HOMER2: variants seen among roughly 807,000 people sequenced by gnomAD.
The protein encoded by HOMER2 is homer scaffold protein 2, also known as homer protein homolog 2.
In HOMER2, 27 loss-of-function variants were observed where a neutral mutation model predicts 47.0. That is an observed-to-expected ratio of 0.57 (90% confidence interval 0.42 to 0.79). The LOEUF (loss-of-function observed/expected upper bound fraction) is 0.79, where lower values mean the gene tolerates loss of function less well. Among genes scored for constraint, HOMER2 ranks in the 30% least tolerant of loss-of-function variants. The pLI is 0.00. For synonymous variants in HOMER2, 161 were observed against 163.8 expected (o/e 0.98, Z 0.13); for missense variants, 443 against 435.0 (o/e 1.02, Z -0.16).
chr15:82,876,883 G>GGCTTAAC (rs2052366043), intron 2 of HOMER2, among the ~76,000 whole-genome samples: 1 of 152,230 alleles, frequency 6.6e-6, no homozygotes, highest in Non-Finnish European at 1.5e-5. Context: ...GATCTAGACA[G>GGCTTAAC]TAAGTGACAG....
At chr15:82,919,677 A>G (rs1206013820) in intron 1 of HOMER2, among the ~76,000 whole-genome samples, 1 of 152,242 alleles carries the variant, frequency 6.6e-6, no homozygotes, top group Admixed American at 6.5e-5. Flanking sequence ...CCTTTTAAAA[A>G]AGAACATTCT....
chr15:82,892,963 T>C, intron 1 of HOMER2, 122 bp from the exon 2 acceptor site: 1 of 689,990 alleles, frequency 1.4e-6, no homozygotes, highest in Non-Finnish European at 2.1e-6. Flanking sequence ...TACATATGCA[T>C]GAAGACAATT....
chr15:82,930,677 A>T (rs2053983409), intron 1 of HOMER2, among the ~76,000 whole-genome samples: 1 of 152,248 alleles, frequency 6.6e-6, no homozygotes, highest in Non-Finnish European at 1.5e-5. Flanking sequence ...AGGCCAGCTA[A>T]GAATTCACTG....
intron 1 of HOMER2, among the ~76,000 whole-genome samples, chr15:82,976,578 C>T (rs2030209450): frequency 6.6e-6 from 1 of 151,504 alleles, no homozygotes; most frequent in Admixed American, 6.6e-5. Flanking sequence ...GGATTACAGG[C>T]ATGAGGCCAC....
exon 2 of HOMER2, chr15:82,958,393 T>C (rs888135001): frequency 6.6e-6 from 1 of 152,256 alleles, no homozygotes; most frequent in Non-Finnish European, 1.5e-5. Flanking sequence ...AGAATGTCCA[T>C]GTGCTTGGCT....
chr15:82,857,724 C>A (rs897129955), intron 5 of HOMER2, among the ~76,000 whole-genome samples: 1 of 152,104 alleles, frequency 6.6e-6, no homozygotes, highest in Non-Finnish European at 1.5e-5. Flanking sequence ...TGCCACCACG[C>A]CCAGCCAATA....
At chr15:82,890,831 T>C (rs1044250737) in intron 2 of HOMER2, among the ~76,000 whole-genome samples, 2 of 152,190 alleles carry the variant, frequency 1.3e-5, no homozygotes, top group Non-Finnish European at 2.9e-5. Context: ...GTCAGCTTGA[T>C]TCACCACTGC....
chr15:82,890,987 G>A (rs764194609), intron 2 of HOMER2, among the ~76,000 whole-genome samples: 6 of 152,016 alleles, frequency 3.9e-5, no homozygotes, highest in African/African-American at 7.3e-5. Flanking sequence ...CAAACACGAG[G>A]TGCCTACCTA....
chr15:82,923,423 G>A (rs1248345272), intron 1 of HOMER2, among the ~76,000 whole-genome samples: 1 of 150,848 alleles, frequency 6.6e-6, no homozygotes, highest in South Asian at 2.1e-4. Context: ...GGAGGTGGAG[G>A]TTGCAGTGAG....
chr15:82,978,999 G>A (rs747544375), intron 1 of HOMER2, among the ~76,000 whole-genome samples: 4 of 152,158 alleles, frequency 2.6e-5, no homozygotes, highest in East Asian at 1.9e-4. Context: ...GATTACAGGC[G>A]TAAGCCACTG....
At chr15:82,943,923 T>G (rs1026888362) in intron 1 of HOMER2, among the ~76,000 whole-genome samples, 1 of 152,204 alleles carries the variant, frequency 6.6e-6, no homozygotes, top group African/African-American at 2.4e-5. Flanking sequence ...GCTCTCACCC[T>G]GACTCCTCTG....
intron 1 of HOMER2, among the ~76,000 whole-genome samples, chr15:82,928,957 A>AAAAAAAAAAAAAAAAAAAAAAAAAC (rs2053933088): frequency 6.7e-6 from 1 of 148,378 alleles, no homozygotes; most frequent in East Asian, 2.0e-4. Flanking sequence ...AAAAAAAAAA[A>AAAAAAAAAAAAAAAAAAAAAAAAAC]AAAGCTGTCA....
chr15:82,870,877 A>G (rs945872911), intron 3 of HOMER2, among the ~76,000 whole-genome samples: 18 of 152,238 alleles, frequency 1.2e-4, no homozygotes, highest in African/African-American at 4.3e-4. Flanking sequence ...GTCGCTCCCC[A>G]TTAAGGGCAG....
downstream of HOMER2, chr15:82,844,128 G>A (rs1308181237): frequency 1.3e-5 from 2 of 152,304 alleles, no homozygotes; most frequent in East Asian, 3.9e-4. Context: ...TGTCTGTCTG[G>A]AGCTTCATGT....
chr15:82,901,002 CTTTA>C (rs1201661140), intron 1 of HOMER2, among the ~76,000 whole-genome samples: 1 of 152,170 alleles, frequency 6.6e-6, no homozygotes, highest in Non-Finnish European at 1.5e-5. Flanking sequence ...TGCTGACAGG[CTTTA>C]TTAATGACAC....
chr15:82,843,293 A>C (rs1266609970), exon 2 of HOMER2: 1 of 151,552 alleles, frequency 6.6e-6, no homozygotes, highest in Non-Finnish European at 1.5e-5. Flanking sequence ...ACAAAAAGTT[A>C]CCTGGGCGTG....
At chr15:82,955,077 ATTCTG>A (rs1034021087), upstream of HOMER2, among the ~76,000 whole-genome samples, 1 of 146,184 alleles carries the variant, frequency 6.8e-6, no homozygotes, top group Non-Finnish European at 1.5e-5. Context: ...TGCCCGGCCC[ATTCTG>A]TTCTATTTTT....
At chr15:82,899,543 T>A (rs2053043280) in intron 1 of HOMER2, among the ~76,000 whole-genome samples, 1 of 152,264 alleles carries the variant, frequency 6.6e-6, no homozygotes, top group South Asian at 2.1e-4. Context: ...ATTGGAGTTC[T>A]ACTTTTATAC....
chr15:82,953,593 G>T (rs1476253546), upstream of HOMER2, among the ~76,000 whole-genome samples: 2 of 152,206 alleles, frequency 1.3e-5, no homozygotes, highest in South Asian at 2.1e-4. Context: ...CAAGGGACAG[G>T]TCGGGCGCGG....
Sources: gnomAD v4.1 joint callset for allele counts (sites outside exome capture counted in the v4.1 genomes callset) on GRCh38, gnomAD v4.1.1 for gene constraint, MANE v1.5 for transcripts, NCBI Gene and HGNC (gene_info 2026-07-23, HGNC 2026-07-21) for gene names.